The following MRTFB variants were observed in gnomAD, a reference collection of about 807,000 sequenced individuals.
MRTFB encodes myocardin related transcription factor B.
MRTFB carries 29 observed loss-of-function variants against 104.2 expected under a neutral mutation model. That is an observed-to-expected ratio of 0.28 (90% CI 0.21 to 0.38). The LOEUF (loss-of-function observed/expected upper bound fraction) is 0.38, where lower values mean the gene tolerates loss of function less well. Among genes scored for constraint, MRTFB ranks in the 10% least tolerant of loss-of-function variants. The pLI is 1.00. For missense variants in MRTFB, 1,270 were observed against 1,341.6 expected, an observed-to-expected ratio of 0.95 and a Z score of 0.83; for synonymous variants, 535 against 519.5, an observed-to-expected ratio of 1.03 and a Z score of -0.41.
At chr16:14,196,431 G>C (rs2040434025) in intron 3 of MRTFB, among the ~76,000 whole-genome samples, 1 of 152,304 alleles carries the variant, frequency 6.6e-6, no homozygotes, top group Non-Finnish European at 1.5e-5. Context: ...GGCAAGGGAT[G>C]GTGGTTTAGA....
In MRTFB at chr16:14,138,455, T is replaced by G. The variant is rs190546930; in HGVS notation, c.-63-2089T>G. Among the ~76,000 whole-genome samples, 5 of 152,344 alleles carry G rather than the reference T, an allele frequency of 3.3e-5. No individual in the cohort carries two copies. In the East Asian group the frequency reaches 9.6e-4, roughly 29 times the overall value. On this transcript the variant is annotated intron_variant, in intron 2 of 16. Coordinates refer to ENST00000571589, the MANE Select transcript of MRTFB (RefSeq NM_001308142.2). The stretch of plus-strand genomic sequence containing the variant: ...ATTTTGCCTTCATTATTAAAGGATA[T>G]TTCCATTGGATATGTAATTCAGATT...
At chr16:14,160,548 A>G (rs748466573) in intron 3 of MRTFB, among the ~76,000 whole-genome samples, 8 of 152,204 alleles carry the variant, frequency 5.3e-5, no homozygotes, top group Non-Finnish European at 8.8e-5. Flanking sequence ...CCTTGAGACT[A>G]TAAGACTATT....
In MRTFB at chr16:14,246,853, C is replaced by A; in HGVS notation, c.1593C>A (p.Thr531=). 1 of 1,612,938 alleles carries A rather than the reference C, an allele frequency of 6.2e-7. No individual in the cohort carries two copies. Among genetic ancestry groups the A allele is most frequent in the Non-Finnish European group, 8.5e-7 (1 of 1,180,020 alleles). ...CAGACACTTTCACCGAGATTATGAC[C>A]ATGATGTCGCCTTCACAGTTCTTGA... ...NMADTFTEIM[T]MMSPSQFLSS... Residue 531 remains threonine, a synonymous_variant, in exon 12 of 17, where the codon ACC becomes ACA. Transcript: ENST00000571589.
chr16:14,032,926 A>G, the MRTFB span, among the ~76,000 whole-genome samples: 30 of 152,144 alleles, frequency 2.0e-4, no homozygotes, highest in African/African-American at 6.3e-4. Context: ...GGCTCAAGCA[A>G]TCCTCCCACC....
rs532950279 is a variant in MRTFB at position 14,079,276 on chromosome 16, C to CT, written c.-128-5dup. The CT allele has an allele frequency of 1.5e-3, 522 of 344,850 alleles. 1 individual carries two copies. Among genetic ancestry groups the CT allele is most frequent in the Middle Eastern group, 3.0e-3 (4 of 1,314 alleles). The allele number at this position is 344,850 out of a possible 1,614,324, so 21.4% of individuals were successfully genotyped here. On this transcript the variant is annotated splice_polypyrimidine_tract_variant and intron_variant, in intron 1 of 16. Coordinates refer to ENST00000571589, the MANE Select transcript of MRTFB (RefSeq NM_001308142.2). ...GTGCTCAATAAAAAGTAATTTCTGC[C>CT]TTTTTTTTTCCAGGTTCACAATAAA...
chr16:14,088,874 C>G (rs971171150), intron 2 of MRTFB, among the ~76,000 whole-genome samples: 1 of 152,186 alleles, frequency 6.6e-6, no homozygotes, highest in Non-Finnish European at 1.5e-5. Context: ...TTCTGATAAC[C>G]ATTTTTCTTT....
At chr16:14,026,210 A>T in the MRTFB span, among the ~76,000 whole-genome samples, 2 of 152,238 alleles carry the variant, frequency 1.3e-5, no homozygotes, top group Non-Finnish European at 2.9e-5. Context: ...GTTTACACTG[A>T]TGTTAAGACT....
At chr16:14,235,897 A>T (rs918715030) in intron 9 of MRTFB, among the ~76,000 whole-genome samples, 2 of 152,242 alleles carry the variant, frequency 1.3e-5, no homozygotes, top group Non-Finnish European at 2.9e-5. Context: ...AATAAAATGT[A>T]TAGCCAGGTG....
At chr16:14,103,640 C>T (rs1303888053) in intron 2 of MRTFB, among the ~76,000 whole-genome samples, 1 of 152,164 alleles carries the variant, frequency 6.6e-6, no homozygotes, top group Non-Finnish European at 1.5e-5. Flanking sequence ...TACACATTGG[C>T]CAGTTTGCTA....
the MRTFB span, among the ~76,000 whole-genome samples, chr16:13,999,441 G>A: frequency 6.6e-6 from 1 of 151,268 alleles, no homozygotes; most frequent in African/African-American, 2.4e-5. Flanking sequence ...CTCTGGGATG[G>A]GCACAGAACC....
intron 13 of MRTFB, 52 bp from the exon 14 acceptor site, chr16:14,251,810 C>G: frequency 6.3e-7 from 1 of 1,587,460 alleles, no homozygotes; most frequent in Non-Finnish European, 8.6e-7. Flanking sequence ...TTCTTTACTT[C>G]ATTAAGAAAA....
At chr16:14,088,403 T>G (rs1300430933) in intron 2 of MRTFB, among the ~76,000 whole-genome samples, 1 of 152,180 alleles carries the variant, frequency 6.6e-6, no homozygotes, top group East Asian at 1.9e-4. Flanking sequence ...AACAAAACTG[T>G]GACTTGAATA....
At chr16:14,065,361 G>A in the MRTFB span, among the ~76,000 whole-genome samples, 7 of 152,180 alleles carry the variant, frequency 4.6e-5, no homozygotes, top group Non-Finnish European at 8.8e-5. Context: ...ATTTGGGGCT[G>A]AGACTAAGGT....
chr16:14,108,936 GCACCC>G (rs1431309505), intron 2 of MRTFB, among the ~76,000 whole-genome samples: 4 of 152,130 alleles, frequency 2.6e-5, no homozygotes, highest in Non-Finnish European at 2.9e-5. Context: ...AAGCATATGT[GCACCC>G]CTCTGTAGTA....
intron 2 of MRTFB, among the ~76,000 whole-genome samples, chr16:14,095,713 C>T (rs535220174): frequency 3.0e-4 from 46 of 152,274 alleles, no homozygotes; most frequent in Admixed American, 2.2e-3. Context: ...CTTTTGGATA[C>T]TTTTCTTACC....
At chr16:14,040,458 T>C in the MRTFB span, among the ~76,000 whole-genome samples, 1 of 137,616 alleles carries the variant, frequency 7.3e-6, no homozygotes, top group Admixed American at 8.9e-5. Context: ...TCTATAATAT[T>C]ACTAAATCTT....
At chr16:14,234,569 G>C (rs2042412423) in intron 9 of MRTFB, among the ~76,000 whole-genome samples, 1 of 152,180 alleles carries the variant, frequency 6.6e-6, no homozygotes, top group Admixed American at 6.5e-5. Flanking sequence ...TGAGGCAGGA[G>C]GACGACTTGA....
chr16:14,137,332 T>A (rs914673403), intron 2 of MRTFB, among the ~76,000 whole-genome samples: 1 of 152,124 alleles, frequency 6.6e-6, no homozygotes, highest in African/African-American at 2.4e-5. Flanking sequence ...TTTTCATAAT[T>A]GGGAGAGATG....
intron 2 of MRTFB, among the ~76,000 whole-genome samples, chr16:14,087,955 C>T (rs1278228314): frequency 6.6e-6 from 1 of 152,106 alleles, no homozygotes; most frequent in African/African-American, 2.4e-5. Context: ...CTTTTAAATA[C>T]CTCTTAGGTG....
Sources: gnomAD v4.1 joint callset for allele counts (sites outside exome capture counted in the v4.1 genomes callset) on GRCh38, gnomAD v4.1.1 for gene constraint, MANE v1.5 for transcripts, NCBI Gene and HGNC (gene_info 2026-07-23, HGNC 2026-07-21) for gene names.